TMEM253: variants seen among roughly 807,000 people sequenced by gnomAD.
The protein encoded by TMEM253 is transmembrane protein 253.
A neutral mutation model predicts 20.3 loss-of-function variants in TMEM253; 22 were observed. The observed-to-expected ratio is 1.08, with a 90% CI of 0.78 to 1.55. TMEM253 has a LOEUF of 1.55. TMEM253 is among the 40% of genes most tolerant of loss of function. The pLI is 0.00. For synonymous variants in TMEM253, 92 were observed against 102.6 expected, an observed-to-expected ratio of 0.90 and a Z score of 0.62; for missense variants, 251 against 266.1, an observed-to-expected ratio of 0.94 and a Z score of 0.39.
At chr14:21,102,637 C>G in exon 6 of TMEM253, 1 of 1,551,422 alleles carries the variant, frequency 6.4e-7, no homozygotes, top group South Asian at 1.2e-5. Flanking sequence ...CTGCAGCATG[C>G]TGGCTTGCTG....
chr14:21,101,408 A>G (rs1220333251), exon 2 of TMEM253: 1 of 1,551,538 alleles, frequency 6.4e-7, no homozygotes, highest in Non-Finnish European at 8.7e-7. Context: ...AAGCTACAAC[A>G]CTGGGCAAGG....
chr14:21,102,833 C>A (rs1594613760), intron 6 of TMEM253, 54 bp downstream of exon 6: 2 of 1,531,356 alleles, frequency 1.3e-6, no homozygotes, highest in Non-Finnish European at 1.8e-6. Flanking sequence ...AATTTTTCCA[C>A]TGCCTATCCT....
chr14:21,102,404 G>C lies in TMEM253; in HGVS notation c.277-1G>C. On this transcript the variant is annotated splice_acceptor_variant, in intron 4 of 6. Transcript: ENST00000556585. LOFTEE classifies it high-confidence loss of function. ...GCAGGGCTGAGCTGGCTCACTGGCA[G>C]GTGCGGGCCATGATGATATTCAACA... 6.4e-7 allele frequency: 1 copy of C among 1,551,708 alleles called. No homozygotes were observed.
chr14:21,099,541 G>A (rs550234222), upstream of TMEM253, among the ~76,000 whole-genome samples: 62 of 152,334 alleles, frequency 4.1e-4, no homozygotes, highest in Admixed American at 3.5e-3. Context: ...AGCACTGATG[G>A]GGCAGGAGTG....
At chr14:21,099,077 C>G, upstream of TMEM253, 2 of 277,840 alleles carry the variant, frequency 7.2e-6, no homozygotes, top group Non-Finnish European at 1.4e-5. Flanking sequence ...TTTAATGGCT[C>G]TTCAATACAA....
At chr14:21,102,707 C>T (rs1238609225) in exon 6 of TMEM253, 1 of 1,551,526 alleles carries the variant, frequency 6.4e-7, no homozygotes, top group Non-Finnish European at 8.7e-7. Flanking sequence ...CAGTGCACGC[C>T]CTATTCTTGC....
At chr14:21,103,335 G>T in exon 7 of TMEM253, 4 of 1,491,970 alleles carry the variant, frequency 2.7e-6, no homozygotes, top group Non-Finnish European at 3.6e-6. Flanking sequence ...AGTCCAATAG[G>T]AAGTCCGGGA....
At chr14:21,101,253 C>T (rs1889607715) in intron 1 of TMEM253, 55 bp from the exon 2 acceptor site, 11 of 1,196,372 alleles carry the variant, frequency 9.2e-6, no homozygotes, top group East Asian at 5.2e-5. Context: ...CTGAAAGATA[C>T]GTTGTTGCAT....
Position 21,103,133 on chromosome 14 carries a change from T to C in TMEM253, c.535-6T>C. Reference sequence around the variant, plus strand: ...CAATTTGCTCACACCTGTCTCTGGTTTTCAGGGCTTCTCTGAGTTGGAAGA... The same window carrying C: ...CAATTTGCTCACACCTGTCTCTGGTCTTCAGGGCTTCTCTGAGTTGGAAGA... On this transcript the variant is annotated splice_polypyrimidine_tract_variant and splice_region_variant and intron_variant, in intron 6 of 6. Transcript: ENST00000556585. The C allele has an allele frequency of 6.4e-7, 1 of 1,551,700 alleles. No homozygotes were observed. The highest frequency in any genetic ancestry group is 8.7e-7 in the Non-Finnish European group (1 of 1,146,982).
exon 3 of TMEM253, chr14:21,101,898 C>A (rs1319012702): frequency 1.3e-6 from 2 of 1,551,384 alleles, no homozygotes; most frequent in Non-Finnish European, 1.7e-6. Context: ...GGTTGTGGTG[C>A]CCCTTGCTGT....
chr14:21,103,494 C>A, exon 7 of TMEM253: 2 of 572,732 alleles, frequency 3.5e-6, no homozygotes, highest in Non-Finnish European at 2.9e-6. Context: ...TGTCACCTCC[C>A]CATACAGCTT....
intron 6 of TMEM253, 142 bp from the exon 7 acceptor site, chr14:21,102,997 G>A: frequency 7.0e-7 from 1 of 1,431,032 alleles, no homozygotes; most frequent in Non-Finnish European, 9.5e-7. Flanking sequence ...AAAAGAGTGG[G>A]AAAGCATTAG....
Position 21,103,121 on chromosome 14 carries a change from C to T in TMEM253, c.535-18C>T, listed in dbSNP as rs1889752751. 4.5e-6 allele frequency: 7 copies of T among 1,551,562 alleles called. No homozygotes were observed. The highest frequency in any genetic ancestry group is 1.2e-5 in the South Asian group (1 of 84,070). ...TTCTCACCTCTACAATTTGCTCACACCTGTCTCTGGTTTTCAGGGCTTCTC... is the reference window on the plus strand; with the variant it reads ...TTCTCACCTCTACAATTTGCTCACATCTGTCTCTGGTTTTCAGGGCTTCTC... On this transcript the variant is annotated intron_variant, in intron 6 of 6. Coordinates refer to ENST00000556585, the Ensembl canonical transcript of TMEM253.
In TMEM253 at chr14:21,102,423, T is replaced by G. The variant is rs554406900; in HGVS notation, c.295T>G (p.Phe99Val). Residue 99 changes from phenylalanine to valine, a missense_variant, in exon 5 of 7, where the codon TTC becomes GTC. Coordinates refer to ENST00000556585, the Ensembl canonical transcript of TMEM253. ...CTGGCAGGTGCGGGCCATGATGATA[T>G]TCAACACCTTCAACTTGATCTTGGG... 122 of 1,551,596 alleles carry G rather than the reference T, an allele frequency of 7.9e-5. No homozygotes were observed. Among genetic ancestry groups the G allele is most frequent in the Non-Finnish European group, 1.0e-4 (119 of 1,146,962 alleles).
exon 7 of TMEM253, chr14:21,103,428 C>G (rs568302904): frequency 9.1e-7 from 1 of 1,100,538 alleles, no homozygotes; most frequent in Admixed American, 2.9e-5. Flanking sequence ...AGAATATATC[C>G]TCACCTCACC....
intron 6 of TMEM253, 175 bp downstream of exon 6, chr14:21,102,954 A>G (rs1889740751): frequency 1.5e-6 from 2 of 1,354,370 alleles, no homozygotes; most frequent in African/African-American, 2.9e-5. Flanking sequence ...AATGGTGGGT[A>G]AGAGGAAACT....
intron 6 of TMEM253, 156 bp from the exon 7 acceptor site, chr14:21,102,982 AG>A: frequency 7.3e-7 from 1 of 1,370,920 alleles, no homozygotes. Context: ...CAAATGATTG[AG>A]GTTAAAAGAG....
chr14:21,102,522 G>A lies in TMEM253; in HGVS notation c.387+7G>A. The A allele has an allele frequency of 1.9e-6, 3 of 1,551,774 alleles. No homozygotes were observed. Among genetic ancestry groups the A allele is most frequent in the Non-Finnish European group, 2.6e-6 (3 of 1,147,012 alleles). ...CCCAACTGCCTCCTCCCAGGTACTGGTCAATGAAGGAGAAGGTGGGAGGAT... is the reference window on the plus strand; with the variant it reads ...CCCAACTGCCTCCTCCCAGGTACTGATCAATGAAGGAGAAGGTGGGAGGAT... On this transcript the variant is annotated splice_region_variant and intron_variant, in intron 5 of 6. Coordinates refer to ENST00000556585, the Ensembl canonical transcript of TMEM253.
Position 21,102,429 on chromosome 14 carries a change from A to T in TMEM253, c.301A>T (p.Thr101Ser), listed in dbSNP as rs775454146. Residue 101 changes from threonine (T) to serine (S), a missense_variant, in exon 5 of 7, where the codon ACC becomes TCC. Physicochemically the swap from Thr to Ser is moderately conservative, Grantham distance 58. Coordinates refer to ENST00000556585, the Ensembl canonical transcript of TMEM253. ...GGTGCGGGCCATGATGATATTCAAC[A>T]CCTTCAACTTGATCTTGGGTTTCAT... is the stretch of plus-strand genomic sequence containing the variant. 20 of 1,551,396 alleles carry T rather than the reference A, an allele frequency of 1.3e-5. No individual in the cohort carries two copies. Among genetic ancestry groups the T allele is most frequent in the Non-Finnish European group, 1.7e-5 (20 of 1,146,950 alleles).
Sources: allele counts gnomAD v4.1 joint callset (sites outside exome capture counted in the v4.1 genomes callset), GRCh38; gene constraint gnomAD v4.1.1; transcripts MANE v1.5; gene names NCBI Gene and HGNC (gene_info 2026-07-23, HGNC 2026-07-21).